The following GON4L variants were observed in gnomAD, a reference collection of about 807,000 sequenced individuals.
GON4L encodes GON-4-like protein.
A neutral mutation model predicts 211.8 loss-of-function variants in GON4L; 87 were observed. The ratio of observed to expected loss-of-function variants is 0.41; its 90% confidence interval spans 0.35 to 0.49. The LOEUF is 0.49. Ranked by LOEUF, GON4L falls within the 20% of genes least tolerant of loss-of-function variation. The probability of loss-of-function intolerance (pLI) is 0.15; values close to 1 mark genes in which losing one functional copy is unlikely to be tolerated. For missense variants in GON4L, 2,155 were observed against 2,659.5 expected, an observed-to-expected ratio of 0.81 and a Z score of 4.17; for synonymous variants, 875 against 962.6, an observed-to-expected ratio of 0.91 and a Z score of 1.68.
At position 155,757,261 on chromosome 1, in the gene GON4L, G is replaced by T. The variant is rs749404145; in HGVS notation, c.5316C>A (p.Ile1772=). The T allele has an allele frequency of 6.2e-7, 1 of 1,613,958 alleles. No individual in the cohort carries two copies. Among genetic ancestry groups the T allele is most frequent in the Non-Finnish European group, 8.5e-7 (1 of 1,179,844 alleles). ...CTGCTGGGCGCAAGTGGTCAAAGAA[G>T]ATAGAAAACTCATCCTGCAGGTGGT... ...GHDHLQDEFS[I]FFDHLRPAAS... is the part of the protein sequence containing the mutation. Residue 1772 remains isoleucine (I), a synonymous_variant, in exon 26 of 32, where the codon ATC becomes ATA. Coordinates refer to ENST00000368331, the MANE Select transcript of GON4L (RefSeq NM_001282860.2).
chr1:155,754,522 TTG>T (rs774303155), intron 27 of GON4L, 34 bp from the exon 28 acceptor site: 400 of 1,005,832 alleles, frequency 4.0e-4, no homozygotes, highest in Admixed American at 7.5e-4. Context: ...AGCTGCCAAG[TTG>T]TTTTTTTTTT....
At chr1:155,811,782 A>AGGC in intron 10 of GON4L, among the ~76,000 whole-genome samples, 1 of 146,246 alleles carries the variant, frequency 6.8e-6, no homozygotes. Context: ...AAAAAAAAGA[A>AGGC]GGCTGGGCGC....
chr1:155,858,636 G>GTC, upstream of GON4L, among the ~76,000 whole-genome samples: 1 of 107,946 alleles, frequency 9.3e-6, no homozygotes, highest in Admixed American at 9.9e-5. Context: ...TTCATTAGTT[G>GTC]TTTTTTTTTT....
chr1:155,799,696 C>T (rs998277037), intron 11 of GON4L, among the ~76,000 whole-genome samples: 4 of 152,162 alleles, frequency 2.6e-5, no homozygotes, highest in African/African-American at 4.8e-5. Context: ...CTCTTCAATT[C>T]TGATTCAAGT....
At chr1:155,855,743 G>A (rs983309499) in intron 1 of GON4L, among the ~76,000 whole-genome samples, 1 of 152,120 alleles carries the variant, frequency 6.6e-6, no homozygotes, top group African/African-American at 2.4e-5. Context: ...AACACTCTGG[G>A]AGGCCAAGGC....
At chr1:155,782,808 C>T (rs188896061) in intron 14 of GON4L, among the ~76,000 whole-genome samples, 16 of 152,048 alleles carry the variant, frequency 1.1e-4, no homozygotes, top group Non-Finnish European at 5.9e-5. Flanking sequence ...TACACACACC[C>T]GCCACCATGC....
chr1:155,761,174 G>GTT, intron 23 of GON4L, among the ~76,000 whole-genome samples: 3 of 142,082 alleles, frequency 2.1e-5, no homozygotes, highest in African/African-American at 8.2e-5. Flanking sequence ...GCTTATGTGT[G>GTT]GTTTTTTTTT....
intron 2 of GON4L, among the ~76,000 whole-genome samples, chr1:155,830,222 T>G (rs1179309441): frequency 2.0e-5 from 3 of 151,500 alleles, no homozygotes; most frequent in Non-Finnish European, 4.4e-5. Flanking sequence ...AGTGCTGGAA[T>G]TACAGGCATG....
At chr1:155,822,087 CAT>C (rs1443873820) in intron 4 of GON4L, among the ~76,000 whole-genome samples, 197 bp downstream of exon 4, 2 of 152,160 alleles carry the variant, frequency 1.3e-5, no homozygotes, top group East Asian at 1.9e-4. Flanking sequence ...TCTTCTTTAA[CAT>C]GTGTTCATAT....
At chr1:155,827,161 C>T in intron 2 of GON4L, 133 bp from the exon 3 acceptor site, 2 of 718,646 alleles carry the variant, frequency 2.8e-6, no homozygotes, top group Non-Finnish European at 4.9e-6. Flanking sequence ...TAGGAATTTT[C>T]CTCTCTTAAA....
Position 155,853,755 on chromosome 1 carries a change from GTTC to G in GON4L, c.23_25del (p.Arg8del), listed in dbSNP as rs1193026434. The G allele has an allele frequency of 3.7e-6, 6 of 1,613,490 alleles. No homozygotes were observed. Among genetic ancestry groups the G allele is most frequent in the Non-Finnish European group, 5.1e-6 (6 of 1,179,554 alleles). ...ATGCTGTAGGGACTCTGTCACTGTA[GTTC>G]TTCTCTTCTTACAGGGCAACATTTT... On this transcript the variant is annotated inframe_deletion, in exon 2 of 32. Transcript: ENST00000368331.
chr1:155,747,748 T>C (rs1660290761), downstream of GON4L: 8 of 1,613,836 alleles, frequency 5.0e-6, no homozygotes, highest in Middle Eastern at 1.7e-4. Context: ...CTTTCGTCAC[T>C]CACCCCCGCC....
intron 2 of GON4L, among the ~76,000 whole-genome samples, chr1:155,849,185 G>A (rs1271578499): frequency 6.7e-6 from 1 of 149,516 alleles, no homozygotes; most frequent in Non-Finnish European, 1.5e-5. Flanking sequence ...GCTGGGCACT[G>A]TGGCTCACGC....
At chr1:155,836,989 C>T (rs1489302975) in intron 2 of GON4L, among the ~76,000 whole-genome samples, 1 of 152,124 alleles carries the variant, frequency 6.6e-6, no homozygotes, top group African/African-American at 2.4e-5. Context: ...GCCTTTGGGC[C>T]TCACTGTTGG....
intron 2 of GON4L, among the ~76,000 whole-genome samples, chr1:155,830,860 T>G (rs768192394): frequency 2.6e-5 from 4 of 152,270 alleles, no homozygotes; most frequent in South Asian, 4.1e-4. Flanking sequence ...TGTACAGGGA[T>G]AGGTGTGAAC....
chr1:155,766,797 G>C, intron 20 of GON4L, 88 bp from the exon 21 acceptor site: 1 of 1,593,086 alleles, frequency 6.3e-7, no homozygotes, highest in South Asian at 1.1e-5. Context: ...TGTAATCCCA[G>C]CACTTTGGGA....
At chr1:155,839,870 C>T (rs1245337489) in intron 2 of GON4L, among the ~76,000 whole-genome samples, 4 of 152,270 alleles carry the variant, frequency 2.6e-5, no homozygotes, top group Admixed American at 1.3e-4. Context: ...AATGAAATTA[C>T]AAGAAAATTT....
Position 155,822,338 on chromosome 1 carries a change from T to A in GON4L, c.836A>T (p.Asp279Val). 6.2e-7 allele frequency: 1 copy of A among 1,614,128 alleles called. No homozygotes were observed. Among genetic ancestry groups the A allele is most frequent in the East Asian group, 2.2e-5 (1 of 44,888 alleles). The change falls in exon 4 of 32, where the codon GAT becomes GTT. Residue 279 changes from aspartate to valine, a missense_variant. Physicochemically the swap from Asp to Val is radical, Grantham distance 152. Transcript: ENST00000368331. ...TGTTAGATTGTGCTGCTTGGCACCA[T>A]CCTCCAAGGTACGGTCAAGCATGTC... ...LDDMLDRTLE[D>V]GAKQHNLTAV...
At position 155,752,485 on chromosome 1, in the gene GON4L, A is replaced by G. The variant is rs1220083418; in HGVS notation, c.5948T>C (p.Phe1983Ser). Residue 1983 changes from phenylalanine (F) to serine (S), a missense_variant, in exon 30 of 32, where the codon TTT (phenylalanine) becomes TCT (serine). Physicochemically the swap from Phe to Ser is radical, Grantham distance 155. This residue lies in a region of GON4L where 455 missense variants were observed against 504.6 expected (regional missense o/e 0.90). Coordinates refer to ENST00000368331, the MANE Select transcript of GON4L (RefSeq NM_001282860.2). ...PPPHSPETPQ[F>S]PPTTGAVLYT... ...CAGTACAGCTCCAGTTGTGGGGGGA[A>G]ATTGAGGAGTCTCTGGTGAATGAGG... is the stretch of plus-strand genomic sequence containing the variant. 1 of 1,582,412 alleles carries G rather than the reference A, an allele frequency of 6.3e-7. No homozygotes were observed. Among genetic ancestry groups the G allele is most frequent in the Admixed American group, 1.9e-5 (1 of 53,932 alleles).
Sources: gnomAD v4.1 joint callset for allele counts (sites outside exome capture counted in the v4.1 genomes callset) on GRCh38, gnomAD v4.1.1 for gene constraint, gnomAD v4.1.1 regional missense constraint, MANE v1.5 for transcripts, NCBI Gene and HGNC (gene_info 2026-07-23, HGNC 2026-07-21) for gene names.